Variants in ACSBG2 observed in about 807,000 individuals in gnomAD.
ACSBG2 encodes the protein long-chain-fatty-acid--CoA ligase ACSBG2.
In ACSBG2, 62 loss-of-function variants were observed where a neutral mutation model predicts 74.7. The observed-to-expected ratio is 0.83, with a 90% CI of 0.68 to 1.03. ACSBG2 has a LOEUF of 1.03. Ranked by LOEUF, ACSBG2 falls within the 50% of genes least tolerant of loss-of-function variation. ACSBG2 has a pLI of 0.00. For missense variants in ACSBG2, 730 were observed against 817.6 expected (o/e 0.89, Z 1.31); for synonymous variants, 309 against 294.1 (o/e 1.05, Z -0.52).
At chr19:6,167,977 A>T (rs1482737222) in intron 7 of ACSBG2, among the ~76,000 whole-genome samples, 3 of 28,454 alleles carry the variant, frequency 1.1e-4, no homozygotes, top group African/African-American at 2.7e-4. Context: ...TCCCACCCTC[A>T]CCCCCACCCC....
Position 6,161,283 on chromosome 19 carries a change from CA to C in ACSBG2, c.578del (p.Asn193ThrfsTer48), listed in dbSNP as rs767928136. 1.2e-6 allele frequency: 2 copies of C among 1,612,518 alleles called. No homozygotes were observed. Among genetic ancestry groups the C allele is most frequent in the African/African-American group, 2.7e-5 (2 of 74,820 alleles). The stretch of plus-strand genomic sequence containing the variant: ...ACAGACTGCCAATGAAGAAGAACAA[CA>C]ACTTGTACTCTGTAAGTGTGGGAGG... Reference protein sequence around the residue: ...QYRLPMKKNNNLYSWDDFMEL... With the variant: ...QYRLPMKKNNXLYSWDDFMEL... On this transcript the variant is annotated frameshift_variant, in exon 6 of 15. Coordinates refer to ENST00000588485, the MANE Select transcript of ACSBG2 (RefSeq NM_030924.5). LOFTEE classifies it high-confidence loss of function.
At chr19:6,138,938 G>A (rs1226711049) in intron 1 of ACSBG2, among the ~76,000 whole-genome samples, 3 of 152,158 alleles carry the variant, frequency 2.0e-5, no homozygotes, top group Non-Finnish European at 4.4e-5. Context: ...TTCTTGGGCC[G>A]CACACTCCGT....
chr19:6,163,798 A>C (rs1382664765), intron 6 of ACSBG2, among the ~76,000 whole-genome samples: 1 of 149,876 alleles, frequency 6.7e-6, no homozygotes, highest in African/African-American at 2.4e-5. Context: ...AAAAAAAAAA[A>C]AAACAGCCAG....
rs371165248 is a variant in ACSBG2 at position 6,182,852 on chromosome 19, C to T, written c.1008C>T (p.Ala336=). The change falls in exon 9 of 15, where the codon GCC becomes GCT. Residue 336 remains alanine, a synonymous_variant. Transcript: ENST00000588485. ...KIHEMVKKNS[A]KSMGLKKKAF... ...ATGAGATGGTGAAGAAAAATAGTGC[C>T]AAGTCCATGGGCTTGAAGAAGAAGG... The T allele has an allele frequency of 3.7e-5, 60 of 1,613,980 alleles. No individual in the cohort carries two copies. Among genetic ancestry groups the T allele is most frequent in the Non-Finnish European group, 5.1e-5 (60 of 1,180,034 alleles).
chr19:6,191,134 G>A (rs2090552619), intron 14 of ACSBG2: 1 of 156,840 alleles, frequency 6.4e-6, no homozygotes, highest in African/African-American at 2.4e-5. Context: ...AGATAATAAG[G>A]GATGGAGGCT....
intron 7 of ACSBG2, among the ~76,000 whole-genome samples, chr19:6,173,614 G>A (rs1050394180): frequency 1.3e-5 from 2 of 152,034 alleles, no homozygotes; most frequent in African/African-American, 2.4e-5. Context: ...TTCCTACGCC[G>A]CAGCTTCTTC....
intron 4 of ACSBG2, among the ~76,000 whole-genome samples, chr19:6,154,273 C>G (rs1315906809): frequency 6.6e-6 from 1 of 151,020 alleles, no homozygotes; most frequent in Non-Finnish European, 1.5e-5. Context: ...TGGCACATGC[C>G]TGTAATCCCA....
Position 6,182,893 on chromosome 19 carries a change from G to A in ACSBG2, c.1049G>A (p.Arg350Lys). The A allele has an allele frequency of 6.2e-7, 1 of 1,614,178 alleles. No homozygotes were observed. The highest frequency in any genetic ancestry group is 2.2e-5 in the East Asian group (1 of 44,884). The part of the protein sequence containing the change: ...GLKKKAFVWA[R>K]NIGFKVNSKK... ...AAGAAGAAGGCATTCGTGTGGGCAAGAAACATTGGCTTCAAGGTCAACTCA... is the reference window on the plus strand; with the variant it reads ...AAGAAGAAGGCATTCGTGTGGGCAAAAAACATTGGCTTCAAGGTCAACTCA... Residue 350 changes from arginine to lysine, a missense_variant, in exon 9 of 15, where the codon AGA becomes AAA. Physicochemically the swap from Arg to Lys is conservative, Grantham distance 26. Coordinates refer to ENST00000588485, the MANE Select transcript of ACSBG2 (RefSeq NM_030924.5).
At chr19:6,156,336 C>T (rs1331233211) in intron 4 of ACSBG2, 95 bp from the exon 5 acceptor site, 5 of 1,401,222 alleles carry the variant, frequency 3.6e-6, no homozygotes, top group Non-Finnish European at 4.7e-6. Context: ...AACTTAAGAA[C>T]TTGCCTGCAA....
rs959586831 is a variant in ACSBG2 at position 6,146,514 on chromosome 19, C to T, written c.68-932C>T. On this transcript the variant is annotated intron_variant, in intron 2 of 14. Transcript: ENST00000588485. ...GGCGCGGTGGCTCATGCCTGTAATC[C>T]CAGCACTTTGGGAGGCCAAGGCGGG... Among the ~76,000 whole-genome samples the T allele has an allele frequency of 2.6e-5, 4 of 151,102 alleles. No individual in the cohort carries two copies. The East Asian group carries it at 7.8e-4, about 30-fold the overall frequency.
At chr19:6,154,798 C>T (rs193126672) in intron 4 of ACSBG2, among the ~76,000 whole-genome samples, 2 of 152,232 alleles carry the variant, frequency 1.3e-5, no homozygotes, top group African/African-American at 4.8e-5. Context: ...AGGTGTGAGC[C>T]ACTGTGCCCA....
At chr19:6,150,912 G>A (rs1025669029) in intron 3 of ACSBG2, among the ~76,000 whole-genome samples, 3 of 151,900 alleles carry the variant, frequency 2.0e-5, no homozygotes, top group Admixed American at 6.6e-5. Context: ...TCAGGGGTTC[G>A]AGACCAGCCT....
chr19:6,189,349 C>T (rs1324002996), intron 13 of ACSBG2, among the ~76,000 whole-genome samples: 1 of 152,202 alleles, frequency 6.6e-6, no homozygotes, highest in East Asian at 1.9e-4. Flanking sequence ...GAAGGGCTCA[C>T]TCCAGAGTGG....
intron 4 of ACSBG2, among the ~76,000 whole-genome samples, chr19:6,155,876 G>T (rs1219851864): frequency 6.7e-6 from 1 of 148,790 alleles, no homozygotes; most frequent in Non-Finnish European, 1.5e-5. Flanking sequence ...CAAAGGACTG[G>T]TATCTAAGAT....
At chr19:6,167,270 G>C (rs2089836107) in intron 7 of ACSBG2, among the ~76,000 whole-genome samples, 1 of 152,206 alleles carries the variant, frequency 6.6e-6, no homozygotes, top group South Asian at 2.1e-4. Flanking sequence ...AACCATGTAA[G>C]CTGGTGTGAC....
chr19:6,166,286 G>GTGTT (rs2089804389), intron 7 of ACSBG2, among the ~76,000 whole-genome samples: 2 of 126,416 alleles, frequency 1.6e-5, no homozygotes, highest in South Asian at 2.5e-4. Context: ...AAGGTTGTGT[G>GTGTT]TGTGTGTGTG....
At chr19:6,190,369 C>T in intron 13 of ACSBG2, 1 of 525,812 alleles carries the variant, frequency 1.9e-6, no homozygotes, top group Non-Finnish European at 3.5e-6. Context: ...ATGCTCTTCA[C>T]CTTCCAGCTC....
Position 6,185,565 on chromosome 19 carries a change from G to A in ACSBG2, c.1452G>A (p.Glu484=), listed in dbSNP as rs530243353. 3.1e-6 allele frequency: 5 copies of A among 1,614,196 alleles called. No homozygotes were observed. The South Asian group carries it at 5.5e-5, about 18-fold the overall frequency. ...TGGAAAGTGAGACTGAAACTACAGA[G>A]GCCATCGATGATGAAGGCTGGCTAC... The part of the protein sequence containing the change: ...GYLESETETT[E]AIDDEGWLHS... The change falls in exon 11 of 15, where the codon GAG becomes GAA. Residue 484 remains glutamate, a synonymous_variant. Transcript: ENST00000588485.
rs1011907904 is a variant in ACSBG2 at position 6,187,002 on chromosome 19, G to GTTT, written c.1541-264_1541-262dup. Among the ~76,000 whole-genome samples the GTTT allele has an allele frequency of 5.2e-3, 679 of 130,664 alleles. 13 individuals carry two copies. Among genetic ancestry groups the GTTT allele is most frequent in the African/African-American group, 0.019 (631 of 32,996 alleles). 85.7% of individuals were successfully genotyped at this position (130,664 alleles called of 152,430 possible). A position where few individuals can be genotyped will look rare whatever the true frequency, so the allele number is the denominator to read the frequency against. On this transcript the variant is annotated intron_variant, in intron 11 of 14. Transcript: ENST00000588485. ...GTGAGCCACTGTGCCTGGCCACTAGGTTTTTTTTTTTTTTTTTTTGAGATG... is the reference window on the plus strand; with the variant it reads ...GTGAGCCACTGTGCCTGGCCACTAGGTTTTTTTTTTTTTTTTTTTTTTGAGATG...
Sources: allele counts gnomAD v4.1 joint callset (sites outside exome capture counted in the v4.1 genomes callset), GRCh38; gene constraint gnomAD v4.1.1; transcripts MANE v1.5; gene names NCBI Gene and HGNC (gene_info 2026-07-23, HGNC 2026-07-21).